TMTC2: variants seen among roughly 807,000 people sequenced by gnomAD.
TMTC2 encodes protein O-mannosyl-transferase TMTC2.
A neutral mutation model predicts 82.4 loss-of-function variants in TMTC2; 43 were observed. The ratio of observed to expected loss-of-function variants is 0.52; its 90% confidence interval spans 0.41 to 0.67. The LOEUF (loss-of-function observed/expected upper bound fraction) is 0.67. Among genes scored for constraint, TMTC2 ranks in the 30% least tolerant of loss-of-function variants. The pLI is 0.00. For missense variants in TMTC2, 919 were observed against 1,012.4 expected (o/e 0.91, Z 1.25); for synonymous variants, 408 against 381.9 (o/e 1.07, Z -0.80).
chr12:82,735,039 C>T (rs749966835), intron 1 of TMTC2, among the ~76,000 whole-genome samples: 18 of 152,164 alleles, frequency 1.2e-4, no homozygotes, highest in Middle Eastern at 3.2e-3. Flanking sequence ...ACATTCTATT[C>T]CTTATTCCAC....
At chr12:82,697,365 AC>A (rs1316330557) in intron 1 of TMTC2, among the ~76,000 whole-genome samples, 4 of 151,828 alleles carry the variant, frequency 2.6e-5, no homozygotes, top group Admixed American at 1.3e-4. Flanking sequence ...GGAAAAAAAA[AC>A]AATGCAGGTT....
chr12:82,906,807 C>CT (rs1874339922), intron 3 of TMTC2, among the ~76,000 whole-genome samples: 1 of 152,120 alleles, frequency 6.6e-6, no homozygotes, highest in South Asian at 2.1e-4. Context: ...TAAAACACAG[C>CT]TTTTCATTTT....
chr12:82,783,199 A>G (rs534753699), intron 1 of TMTC2, among the ~76,000 whole-genome samples: 1 of 152,200 alleles, frequency 6.6e-6, no homozygotes, highest in East Asian at 1.9e-4. Flanking sequence ...AGAACAATTC[A>G]TAGTATTAGA....
intron 1 of TMTC2, among the ~76,000 whole-genome samples, chr12:82,783,086 G>T (rs1299632972): frequency 6.6e-6 from 1 of 152,028 alleles, no homozygotes; most frequent in East Asian, 1.9e-4. Context: ...AAGGGCAAAT[G>T]AACTTGGATG....
chr12:82,702,866 G>T (rs566753893), intron 1 of TMTC2, among the ~76,000 whole-genome samples: 4 of 152,088 alleles, frequency 2.6e-5, no homozygotes, highest in Non-Finnish European at 5.9e-5. Flanking sequence ...ATAAAAATTA[G>T]TTGGGCAGGG....
At chr12:83,096,066 C>T (rs1303399604) in intron 11 of TMTC2, among the ~76,000 whole-genome samples, 3 of 152,236 alleles carry the variant, frequency 2.0e-5, no homozygotes, top group South Asian at 2.1e-4. Context: ...ATTCAATTCA[C>T]TTTACAGGCA....
At chr12:82,929,855 G>A (rs1046979605) in intron 3 of TMTC2, among the ~76,000 whole-genome samples, 30 of 152,254 alleles carry the variant, frequency 2.0e-4, no homozygotes, top group African/African-American at 7.2e-4. Context: ...ATGATTAAGT[G>A]TAGAAATAGC....
chr12:82,853,956 C>A (rs928448033), intron 1 of TMTC2, among the ~76,000 whole-genome samples: 11 of 147,466 alleles, frequency 7.5e-5, no homozygotes, highest in African/African-American at 2.5e-4. Flanking sequence ...TTTCATATTT[C>A]TTTTAAATTT....
At position 82,917,355 on chromosome 12, in the gene TMTC2, A is replaced by G. The variant is rs929572629; in HGVS notation, c.1484-13076A>G. On this transcript the variant is annotated intron_variant, in intron 3 of 11. Coordinates refer to ENST00000321196, the MANE Select transcript of TMTC2 (RefSeq NM_152588.3). ...ATATTTATTTAAATTGTAGCTGGTA[A>G]GACCATTCATGGGGCACATCCAAAG... 5.9e-5 allele frequency among the ~76,000 whole-genome samples: 9 copies of G among 152,112 alleles called. No individual in the cohort carries two copies. The East Asian group carries it at 1.4e-3, about 23-fold the overall frequency.
intron 8 of TMTC2, among the ~76,000 whole-genome samples, chr12:82,992,004 A>G (rs2137349689): frequency 6.6e-6 from 1 of 152,338 alleles, no homozygotes; most frequent in East Asian, 1.9e-4. Flanking sequence ...GTAGGAGAGA[A>G]GGAAGGATAT....
intron 1 of TMTC2, among the ~76,000 whole-genome samples, chr12:82,690,025 A>G (rs933128060): frequency 6.6e-6 from 1 of 152,222 alleles, no homozygotes; most frequent in African/African-American, 2.4e-5. Context: ...TATGTATCCT[A>G]GAAATTATGA....
intron 2 of TMTC2, among the ~76,000 whole-genome samples, chr12:82,866,467 A>C (rs1871870635): frequency 6.6e-6 from 1 of 152,186 alleles, no homozygotes; most frequent in African/African-American, 2.4e-5. Flanking sequence ...CAGTTAACTC[A>C]ATACTCCGTC....
rs79071300 is a variant in TMTC2, at chr12:82,753,847, G to C, written c.83+66178G>C. On this transcript the variant is annotated intron_variant, in intron 1 of 11. Coordinates refer to ENST00000321196, the MANE Select transcript of TMTC2 (RefSeq NM_152588.3). ...GCTTGTGTCTTATGGTGATGAAAGT[G>C]GTTGAGGAAATACAGGTAAAAATAA... 0.011 allele frequency among the ~76,000 whole-genome samples: 1,687 copies of C among 152,286 alleles called. 80 individuals carry two copies. In the East Asian group the frequency reaches 0.15, roughly 13 times the overall value.
intron 1 of TMTC2, among the ~76,000 whole-genome samples, chr12:82,798,052 C>G (rs1300841822): frequency 6.7e-6 from 1 of 150,216 alleles, no homozygotes; most frequent in Non-Finnish European, 1.5e-5. Context: ...ATTCTCCTGC[C>G]TCACACCATT....
intron 7 of TMTC2, among the ~76,000 whole-genome samples, chr12:82,969,839 C>T (rs1432988423): frequency 6.6e-6 from 1 of 151,888 alleles, no homozygotes; most frequent in Non-Finnish European, 1.5e-5. Flanking sequence ...ATTGAGGACA[C>T]CTTCCCATCC....
intron 1 of TMTC2, among the ~76,000 whole-genome samples, chr12:82,851,806 C>T (rs370776619): frequency 6.6e-5 from 10 of 151,896 alleles, no homozygotes; most frequent in African/African-American, 1.9e-4. Flanking sequence ...GTCAGAACAG[C>T]GCCATTTGAT....
chr12:82,772,028 A>G (rs992165962), intron 1 of TMTC2, among the ~76,000 whole-genome samples: 5 of 152,116 alleles, frequency 3.3e-5, no homozygotes, highest in Non-Finnish European at 7.4e-5. Context: ...GCTGCTGTCA[A>G]TTGGATATTT....
chr12:82,822,410 G>A (rs946086112), intron 1 of TMTC2, among the ~76,000 whole-genome samples: 3 of 152,150 alleles, frequency 2.0e-5, no homozygotes, highest in African/African-American at 7.2e-5. Context: ...GGGAGTATAT[G>A]GGAGCTCTCT....
chr12:82,693,852 C>T (rs1252850055), intron 1 of TMTC2, among the ~76,000 whole-genome samples: 2 of 151,642 alleles, frequency 1.3e-5, no homozygotes, highest in African/African-American at 4.9e-5. Context: ...CCTGTAACCC[C>T]CGCTACTCAG....
Sources: allele counts gnomAD v4.1 joint callset (sites outside exome capture counted in the v4.1 genomes callset), GRCh38; gene constraint gnomAD v4.1.1; transcripts MANE v1.5; gene names NCBI Gene and HGNC (gene_info 2026-07-23, HGNC 2026-07-21).